IGSF10: variants seen among roughly 807,000 people sequenced by gnomAD.
IGSF10 encodes calvaria mechanical force protein 608.
Under a neutral mutation model 128.2 loss-of-function variants are expected in IGSF10, and 126 were observed. That is an observed-to-expected ratio of 0.98 (90% CI 0.85 to 1.14). The LOEUF (loss-of-function observed/expected upper bound fraction) is 1.14, where lower values mean the gene tolerates loss of function less well. IGSF10 is among the 50% of genes most tolerant of loss of function. IGSF10 has a pLI of 0.00. For synonymous variants in IGSF10, 1,185 were observed against 1,146.2 expected, an observed-to-expected ratio of 1.03 and a Z score of -0.68; for missense variants, 3,295 against 3,149.8, an observed-to-expected ratio of 1.05 and a Z score of -1.10.
At chr3:151,607,401 TTA>T in the IGSF10 span, among the ~76,000 whole-genome samples, 1 of 151,394 alleles carries the variant, frequency 6.6e-6, no homozygotes, top group South Asian at 2.1e-4. Context: ...GTATAAAATT[TTA>T]AAAAAAAACC....
chr3:151,508,663 A>G, the IGSF10 span, among the ~76,000 whole-genome samples: 1 of 152,176 alleles, frequency 6.6e-6, no homozygotes, highest in Non-Finnish European at 1.5e-5. Context: ...AAAGCTTTAC[A>G]AAATCAAATT....
At position 151,437,168 on chromosome 3, in the gene IGSF10, T is replaced by G. The variant is rs1159170602; in HGVS notation, c.7393A>C (p.Lys2465Gln). 1.9e-6 allele frequency: 3 copies of G among 1,614,200 alleles called. No individual in the cohort carries two copies. The highest frequency in any genetic ancestry group is 1.1e-5 in the South Asian group (1 of 91,080). ...ACATAACCACTTGGCATAGTCCATT[T>G]GATATTTGGCTTAGGGATTCCATCA... ...VSDGIPKPNI[K>Q]WTMPSGYVVD... The change falls in exon 8 of 8, where the codon AAA becomes CAA. Residue 2465 changes from lysine (K) to glutamine (Q), a missense_variant. Transcript: ENST00000282466.
At position 151,445,599 on chromosome 3, in the gene IGSF10, G is replaced by T; in HGVS notation, c.4382C>A (p.Thr1461Asn). The change falls in exon 6 of 8, where the codon ACC (threonine) becomes AAC (asparagine). Residue 1461 changes from threonine (T) to asparagine (N), a missense_variant. By Grantham distance (65) the Thr-to-Asn change is moderately conservative (BLOSUM62 0). Transcript: ENST00000282466. The stretch of plus-strand genomic sequence containing the variant: ...ACTGCTGCTCAAGAATGGTGGTATG[G>T]TTGAGTGTCTAATGATTGCTTTCCT... ...TTRKAIIRHS[T>N]IPPFLSSSAT... 1 of 1,614,138 alleles carries T rather than the reference G, an allele frequency of 6.2e-7. No individual in the cohort carries two copies. Among genetic ancestry groups the T allele is most frequent in the African/African-American group, 1.3e-5 (1 of 75,048 alleles).
chr3:151,615,333 AT>A, the IGSF10 span, among the ~76,000 whole-genome samples: 4 of 152,050 alleles, frequency 2.6e-5, no homozygotes, highest in African/African-American at 9.7e-5. Context: ...TTCTTAAACA[AT>A]TTTTATATTT....
chr3:151,500,753 A>T, the IGSF10 span, among the ~76,000 whole-genome samples: 3 of 152,090 alleles, frequency 2.0e-5, no homozygotes, highest in African/African-American at 7.2e-5. Flanking sequence ...TATATTCCAT[A>T]TCGTCTTTTC....
At chr3:151,611,159 T>G in the IGSF10 span, among the ~76,000 whole-genome samples, 4 of 152,222 alleles carry the variant, frequency 2.6e-5, no homozygotes, top group South Asian at 8.3e-4. Context: ...ATACACATTT[T>G]CTAATTTAGC....
At position 151,437,319 on chromosome 3, in the gene IGSF10, C is replaced by G. The variant is rs1293955180; in HGVS notation, c.7242G>C (p.Arg2414Ser). Reference protein sequence around the residue: ...EDAGKYRCAARNKVGYIEKLV... With the variant: ...EDAGKYRCAASNKVGYIEKLV... ...ATTTCTCAATATAGCCAACTTTATT[C>G]CTAGCTGCACAGCGATATTTTCCTG... Residue 2414 changes from arginine (R) to serine (S), a missense_variant, in exon 8 of 8, where the codon AGG becomes AGC. Transcript: ENST00000282466. 1 of 1,614,176 alleles carries G rather than the reference C, an allele frequency of 6.2e-7. No individual in the cohort carries two copies. The highest frequency in any genetic ancestry group is 1.7e-5 in the Admixed American group (1 of 60,018).
At chr3:151,609,280 T>C in the IGSF10 span, among the ~76,000 whole-genome samples, 3 of 152,134 alleles carry the variant, frequency 2.0e-5, no homozygotes, top group African/African-American at 7.2e-5. Context: ...GGTTGGAGAA[T>C]GGAGATGCAA....
Position 151,438,204 on chromosome 3 carries a change from G to C in IGSF10, c.6357C>G (p.Cys2119Trp). The part of the protein sequence containing the change: ...VGVAEEGDYT[C>W]YAQNTLGKDE... Reference sequence around the variant, plus strand: ...CTTTCCCTAGGGTGTTCTGGGCATAGCAAGTATAATCTCCTTCCTCCGCTA... The same window carrying C: ...CTTTCCCTAGGGTGTTCTGGGCATACCAAGTATAATCTCCTTCCTCCGCTA... The change falls in exon 8 of 8, where the codon TGC (cysteine) becomes TGG (tryptophan). Residue 2119 changes from cysteine (C) to tryptophan (W), a missense_variant. Transcript: ENST00000282466. The C allele has an allele frequency of 6.2e-7, 1 of 1,614,134 alleles. No homozygotes were observed. Among genetic ancestry groups the C allele is most frequent in the Non-Finnish European group, 8.5e-7 (1 of 1,180,012 alleles).
the IGSF10 span, among the ~76,000 whole-genome samples, chr3:151,513,772 G>C: frequency 0.027 from 4,098 of 152,242 alleles, 131 homozygotes; most frequent in East Asian, 0.17. Context: ...CTTCAGCAAC[G>C]TCTCAGGATA....
chr3:151,539,283 A>G, the IGSF10 span, among the ~76,000 whole-genome samples: 1 of 152,170 alleles, frequency 6.6e-6, no homozygotes, highest in Non-Finnish European at 1.5e-5. Context: ...AGAGAAGACC[A>G]GATGCAGACG....
chr3:151,432,572 C>T (rs1256248682), downstream of IGSF10: 4 of 513,750 alleles, frequency 7.8e-6, no homozygotes, highest in East Asian at 1.2e-4. Context: ...AAAGGTGTCC[C>T]CTCTGCAGGG....
intron 7 of IGSF10, 96 bp from the exon 8 acceptor site, chr3:151,438,693 A>C: frequency 2.5e-6 from 2 of 813,508 alleles, no homozygotes; most frequent in Non-Finnish European, 3.9e-6. Flanking sequence ...GCTTTATTGA[A>C]GCATGACCAA....
the IGSF10 span, among the ~76,000 whole-genome samples, chr3:151,584,751 C>T: frequency 1.3e-5 from 2 of 152,168 alleles, no homozygotes; most frequent in African/African-American, 4.8e-5. Flanking sequence ...ACAAGGTTGA[C>T]AGCCATGTGT....
chr3:151,444,728 TTC>T (rs1721080793), intron 6 of IGSF10, among the ~76,000 whole-genome samples, 189 bp downstream of exon 6: 2 of 152,230 alleles, frequency 1.3e-5, no homozygotes, highest in Admixed American at 1.3e-4. Flanking sequence ...CCAAAAAATG[TTC>T]TTAGTTAACA....
the IGSF10 span, among the ~76,000 whole-genome samples, chr3:151,600,215 T>C: frequency 6.6e-6 from 1 of 152,188 alleles, no homozygotes; most frequent in South Asian, 2.1e-4. Context: ...TCTTACTCTT[T>C]CATTTTAAAA....
At chr3:151,513,585 A>G in the IGSF10 span, among the ~76,000 whole-genome samples, 2 of 151,970 alleles carry the variant, frequency 1.3e-5, no homozygotes, top group African/African-American at 2.4e-5. Context: ...CTCTCTCACC[A>G]CTCCTATTCA....
chr3:151,432,821 G>C (rs2108499110), downstream of IGSF10: 1 of 1,605,832 alleles, frequency 6.2e-7, no homozygotes, highest in Middle Eastern at 1.7e-4. Context: ...AAGAGGAGAA[G>C]ACATGACGTT....
the IGSF10 span, among the ~76,000 whole-genome samples, chr3:151,477,041 G>GAGGC: frequency 6.6e-6 from 1 of 152,186 alleles, no homozygotes; most frequent in African/African-American, 2.4e-5. Flanking sequence ...CTACACCACT[G>GAGGC]AGGCATTCTG....
Sources: allele counts gnomAD v4.1 joint callset (sites outside exome capture counted in the v4.1 genomes callset), GRCh38; gene constraint gnomAD v4.1.1; transcripts MANE v1.5; gene names NCBI Gene and HGNC (gene_info 2026-07-23, HGNC 2026-07-21).